Variants in SDR16C5 observed in about 807,000 individuals in gnomAD.
SDR16C5 encodes short chain dehydrogenase/reductase family 16C member 5.
A neutral mutation model predicts 27.7 loss-of-function variants in SDR16C5; 20 were observed. The ratio of observed to expected loss-of-function variants is 0.72; its 90% CI spans 0.51 to 1.05. The LOEUF is 1.05. Among genes scored for constraint, SDR16C5 ranks in the 50% least tolerant of loss-of-function variants. The pLI is 0.00. For missense variants in SDR16C5, 374 were observed against 366.3 expected (o/e 1.02, Z -0.17); for synonymous variants, 139 against 132.3 (o/e 1.05, Z -0.35).
intron 4 of SDR16C5, among the ~76,000 whole-genome samples, chr8:56,307,979 G>A (rs1422399274): frequency 6.6e-6 from 1 of 152,156 alleles, no homozygotes; most frequent in East Asian, 1.9e-4. Flanking sequence ...AAAGGCCCGT[G>A]ACAACAGATA....
intron 4 of SDR16C5, among the ~76,000 whole-genome samples, chr8:56,307,521 ACACATTCAGAGGAGG>A (rs1814916209): frequency 6.6e-6 from 1 of 152,368 alleles, no homozygotes; most frequent in South Asian, 2.1e-4. Flanking sequence ...CCTTTGCTCC[ACACATTCAGAGGAGG>A]CATATTTAAA....
chr8:56,308,636 G>A (rs1454823067), intron 4 of SDR16C5, among the ~76,000 whole-genome samples: 1 of 152,212 alleles, frequency 6.6e-6, no homozygotes, highest in Non-Finnish European at 1.5e-5. Flanking sequence ...TTGGTGGACA[G>A]TTGTTTTGTT....
chr8:56,303,290 G>C (rs570516179), intron 6 of SDR16C5, among the ~76,000 whole-genome samples: 1 of 150,226 alleles, frequency 6.7e-6, no homozygotes, highest in Non-Finnish European at 1.5e-5. Context: ...ACTCCAGCCC[G>C]GGTGATGAGC....
At chr8:56,314,070 G>T (rs1026206126) in intron 2 of SDR16C5, among the ~76,000 whole-genome samples, 1 of 152,102 alleles carries the variant, frequency 6.6e-6, no homozygotes, top group African/African-American at 2.4e-5. Flanking sequence ...AGCTGGGCGT[G>T]GTAGCGTGCA....
At chr8:56,311,272 G>T (rs184328000) in intron 3 of SDR16C5, among the ~76,000 whole-genome samples, 249 of 152,222 alleles carry the variant, frequency 1.6e-3, no homozygotes, top group African/African-American at 5.5e-3. Flanking sequence ...AAAATTAGTT[G>T]GGTGTGGTGG....
intron 3 of SDR16C5, among the ~76,000 whole-genome samples, chr8:56,310,330 GGAGGAGGAAGGAGGAA>G (rs1478104035): frequency 1.9e-5 from 2 of 105,246 alleles, no homozygotes; most frequent in East Asian, 5.8e-4. Flanking sequence ...GGAAGGAGGA[GGAGGAGGAAGGAGGAA>G]GAGGAAGAAG....
At position 56,306,799 on chromosome 8, in the gene SDR16C5, G is replaced by T. The variant is rs1174307218; in HGVS notation, c.587C>A (p.Ala196Glu). ...TACAGATTCAGCAAACCCAAAGGCT[G>T]CAAATTTACTTGCACAGTAATCTGA... ...GLADYCASKF[A>E]AFGFAESVFV... Residue 196 changes from alanine to glutamate, a missense_variant, in exon 5 of 7, where the codon GCA (alanine) becomes GAA (glutamate). Transcript: ENST00000303749. The T allele has an allele frequency of 6.2e-7, 1 of 1,610,954 alleles. No homozygotes were observed. The highest frequency in any genetic ancestry group is 8.5e-7 in the Non-Finnish European group (1 of 1,179,294).
chr8:56,306,699 T>A lies in SDR16C5; in HGVS notation c.687A>T (p.Gly229=), dbSNP rs1269262996. 1 of 1,613,290 alleles carries A rather than the reference T, an allele frequency of 6.2e-7. No individual in the cohort carries two copies. The highest frequency in any genetic ancestry group is 1.7e-5 in the Admixed American group (1 of 59,902). ...TIVCPFFIKT[G]MFEGCTTGCP... ...ACCCTGTAGTACAACCTTCAAACAT[T>A]CCAGTTTTTATAAAAAAGGGGCACA... The change falls in exon 5 of 7, where the codon GGA becomes GGT. Residue 229 remains glycine, a synonymous_variant. Transcript: ENST00000303749.
chr8:56,312,229 GCCTGTTACGATT>G lies in SDR16C5; in HGVS notation c.381_392del (p.Ile128_Gly131del). On this transcript the variant is annotated inframe_deletion, in exon 3 of 7. Transcript: ENST00000303749. ...CATCTGGACAGTCAAGGAACTTTTTGCCTGTTACGATTCCGGCATTGTTGATTAGGATGGAAA... is the reference window on the plus strand; with the variant it reads ...CATCTGGACAGTCAAGGAACTTTTTGCCGGCATTGTTGATTAGGATGGAAA... 3 of 1,613,266 alleles carry G rather than the reference GCCTGTTACGATT, an allele frequency of 1.9e-6. No individual in the cohort carries two copies. Among genetic ancestry groups the G allele is most frequent in the Non-Finnish European group, 1.7e-6 (2 of 1,179,208 alleles).
intron 2 of SDR16C5, among the ~76,000 whole-genome samples, chr8:56,314,846 G>C (rs1815149628): frequency 6.6e-6 from 1 of 152,186 alleles, no homozygotes; most frequent in African/African-American, 2.4e-5. Context: ...GCTGCTCACG[G>C]CAGGCTTGGT....
At position 56,301,361 on chromosome 8, in the gene SDR16C5, T is replaced by G; in HGVS notation, c.*119A>C. 1.5e-6 allele frequency: 1 copy of G among 678,760 alleles called. No individual in the cohort carries two copies. Among genetic ancestry groups the G allele is most frequent in the Non-Finnish European group, 2.7e-6 (1 of 372,268 alleles). The allele number at this position is 678,760 out of a possible 1,614,324, so 42.0% of individuals were successfully genotyped here. ...GAAAATTCTAGTCCAGATAACAGAATAGGAGTGGTACTTGTGGTCTCCAGA... is the reference window on the plus strand; with the variant it reads ...GAAAATTCTAGTCCAGATAACAGAAGAGGAGTGGTACTTGTGGTCTCCAGA... On this transcript the variant is annotated 3_prime_UTR_variant, in exon 7 of 7. Transcript: ENST00000303749.
At chr8:56,313,856 G>C (rs1003203701) in intron 2 of SDR16C5, among the ~76,000 whole-genome samples, 2 of 152,172 alleles carry the variant, frequency 1.3e-5, no homozygotes, top group African/African-American at 4.8e-5. Flanking sequence ...ACAAAACGCT[G>C]TCATATCACT....
intron 6 of SDR16C5, among the ~76,000 whole-genome samples, chr8:56,304,283 G>A (rs979241824): frequency 2.6e-5 from 4 of 152,194 alleles, no homozygotes; most frequent in Non-Finnish European, 2.9e-5. Context: ...ATGGAGCTGG[G>A]GGAGAAGCAC....
chr8:56,318,161 A>G (rs953506020), intron 1 of SDR16C5, among the ~76,000 whole-genome samples: 9 of 152,090 alleles, frequency 5.9e-5, no homozygotes, highest in Non-Finnish European at 1.0e-4. Flanking sequence ...AGAGGGACAA[A>G]ATAGTTTGTT....
chr8:56,309,262 G>A (rs1169987694), intron 3 of SDR16C5: 4 of 941,736 alleles, frequency 4.2e-6, no homozygotes, highest in African/African-American at 3.5e-5. Flanking sequence ...TCAGACTTAT[G>A]TTTTTGCTCA....
In SDR16C5 at chr8:56,305,726, G is replaced by A. The variant is rs1363963039; in HGVS notation, c.711-4C>T. 2 of 1,570,082 alleles carry A rather than the reference G, an allele frequency of 1.3e-6. No homozygotes were observed. Among genetic ancestry groups the A allele is most frequent in the Non-Finnish European group, 1.7e-6 (2 of 1,167,322 alleles). On this transcript the variant is annotated splice_polypyrimidine_tract_variant and splice_region_variant and intron_variant, in intron 5 of 6. Coordinates refer to ENST00000303749, the MANE Select transcript of SDR16C5 (RefSeq NM_138969.4). ...AATTGGCAACAGAGAAGGACAGCTA[G>A]GATATAAAATGACAACAATTAAAAA...
chr8:56,304,905 G>T (rs959018090), intron 6 of SDR16C5, among the ~76,000 whole-genome samples: 9 of 152,140 alleles, frequency 5.9e-5, no homozygotes, highest in Non-Finnish European at 8.8e-5. Flanking sequence ...AAGTAGCTGG[G>T]ACTACAGGGG....
At chr8:56,312,641 G>A (rs1242351928) in intron 2 of SDR16C5, among the ~76,000 whole-genome samples, 1 of 151,980 alleles carries the variant, frequency 6.6e-6, no homozygotes, top group Non-Finnish European at 1.5e-5. Flanking sequence ...GGAGGTGGAG[G>A]TTGTAGTGAG....
Position 56,306,794 on chromosome 8 carries a change from AG to A in SDR16C5, c.591del (p.Phe198LeufsTer9). On this transcript the variant is annotated frameshift_variant, in exon 5 of 7. Transcript: ENST00000303749. LOFTEE classifies it high-confidence loss of function. The stretch of plus-strand genomic sequence containing the variant: ...ACAAATACAGATTCAGCAAACCCAA[AG>A]GCTGCAAATTTACTTGCACAGTAAT... Reference protein sequence around the residue: ...LADYCASKFAAFGFAESVFVE... With the variant: ...LADYCASKFAXFGFAESVFVE... 6.2e-7 allele frequency: 1 copy of A among 1,612,250 alleles called. No homozygotes were observed. Among genetic ancestry groups the A allele is most frequent in the Non-Finnish European group, 8.5e-7 (1 of 1,179,640 alleles).
Sources: allele counts gnomAD v4.1 joint callset (sites outside exome capture counted in the v4.1 genomes callset), GRCh38; gene constraint gnomAD v4.1.1; transcripts MANE v1.5; gene names NCBI Gene and HGNC (gene_info 2026-07-23, HGNC 2026-07-21).